The following SYN3 variants were observed in gnomAD, a reference collection of about 807,000 sequenced individuals.
SYN3 encodes synapsin-3.
Under a neutral mutation model 65.8 loss-of-function variants are expected in SYN3, and 35 were observed. That is an observed-to-expected ratio of 0.53 (90% confidence interval 0.41 to 0.70). The LOEUF (loss-of-function observed/expected upper bound fraction) is 0.70, where lower values mean the gene tolerates loss of function less well. Ranked by LOEUF, SYN3 falls within the 30% of genes least tolerant of loss-of-function variation. SYN3 has a pLI of 0.00. For synonymous variants in SYN3, 270 were observed against 292.9 expected (o/e 0.92, Z 0.80); for missense variants, 680 against 749.0 (o/e 0.91, Z 1.08).
intron 6 of SYN3, among the ~76,000 whole-genome samples, chr22:32,677,580 T>C (rs2060463782): frequency 6.6e-6 from 1 of 152,000 alleles, no homozygotes; most frequent in Non-Finnish European, 1.5e-5. Flanking sequence ...GGGTGGAACA[T>C]GAGGTCAGGA....
At chr22:32,632,362 G>A (rs1203300731) in intron 6 of SYN3, among the ~76,000 whole-genome samples, 2 of 152,194 alleles carry the variant, frequency 1.3e-5, no homozygotes, top group East Asian at 1.9e-4. Flanking sequence ...TCCCAGCTCT[G>A]ATATTTACTT....
chr22:32,693,876 C>T (rs1212017950), intron 6 of SYN3, among the ~76,000 whole-genome samples: 5 of 151,900 alleles, frequency 3.3e-5, no homozygotes, highest in Non-Finnish European at 7.4e-5. Flanking sequence ...AGCCACTGTG[C>T]CCGGCCTGTA....
intron 3 of SYN3, among the ~76,000 whole-genome samples, chr22:32,941,111 T>TA (rs1034993183): frequency 6.6e-6 from 1 of 151,434 alleles, no homozygotes; most frequent in South Asian, 2.1e-4. Flanking sequence ...TCTTAAAGGT[T>TA]AAAAAAAAAG....
chr22:32,899,795 G>A lies in SYN3; in HGVS notation c.462-30670C>T, dbSNP rs1199107310. On this transcript the variant is annotated intron_variant, in intron 4 of 13. Transcript: ENST00000358763. Reference sequence around the variant, plus strand: ...GTTAAAACAAGGAAGTCGGCCGGGCGCGGTGGCTCACGCCTGTAATCCCAG... The same window carrying A: ...GTTAAAACAAGGAAGTCGGCCGGGCACGGTGGCTCACGCCTGTAATCCCAG... 1.5e-3 allele frequency among the ~76,000 whole-genome samples: 2 copies of A among 1,296 alleles called. 1 individual carries two copies. Among genetic ancestry groups the A allele is most frequent in the African/African-American group, 0.018 (2 of 110 alleles). The allele number at this position is 1,296 out of a possible 152,430, so 0.9% of individuals were successfully genotyped here.
At chr22:32,788,740 T>C (rs992766418) in intron 6 of SYN3, among the ~76,000 whole-genome samples, 1 of 152,224 alleles carries the variant, frequency 6.6e-6, no homozygotes, top group African/African-American at 2.4e-5. Context: ...ATGTTATTAA[T>C]ACAGGACCTG....
chr22:32,876,413 CAAATGGACTGGCAGTT>C (rs1350327321), intron 4 of SYN3, among the ~76,000 whole-genome samples: 2 of 152,104 alleles, frequency 1.3e-5, no homozygotes, highest in Non-Finnish European at 2.9e-5. Context: ...TTTAAGGTTC[CAAATGGACTGGCAGTT>C]AAATCATGTT....
intron 4 of SYN3, among the ~76,000 whole-genome samples, chr22:32,920,053 C>T (rs2050295765): frequency 6.6e-6 from 1 of 152,174 alleles, no homozygotes; most frequent in Non-Finnish European, 1.5e-5. Flanking sequence ...GACTCTGATG[C>T]CTTTCGTCAA....
chr22:32,748,438 T>C (rs1030579194), intron 6 of SYN3, among the ~76,000 whole-genome samples: 2 of 152,142 alleles, frequency 1.3e-5, no homozygotes, highest in Non-Finnish European at 2.9e-5. Context: ...TTAGAGAAAA[T>C]GGCAAAACCA....
chr22:32,985,008 A>G (rs2052481412), intron 2 of SYN3, among the ~76,000 whole-genome samples: 1 of 152,180 alleles, frequency 6.6e-6, no homozygotes, highest in African/African-American at 2.4e-5. Flanking sequence ...CCTCTATGCA[A>G]CAAGGCAGTA....
intron 6 of SYN3, among the ~76,000 whole-genome samples, chr22:32,737,740 C>G (rs2147372363): frequency 6.6e-6 from 1 of 152,318 alleles, no homozygotes; most frequent in East Asian, 1.9e-4. Context: ...ACTACCATAT[C>G]TCCCAGTGCT....
intron 3 of SYN3, among the ~76,000 whole-genome samples, chr22:32,943,795 A>C (rs1332833370): frequency 6.6e-6 from 1 of 152,236 alleles, no homozygotes; most frequent in Non-Finnish European, 1.5e-5. Flanking sequence ...AGGGGTTGCA[A>C]TCCTAGTCTC....
chr22:32,871,815 A>C (rs192780137), intron 4 of SYN3, among the ~76,000 whole-genome samples: 7 of 152,140 alleles, frequency 4.6e-5, no homozygotes, highest in Admixed American at 3.9e-4. Flanking sequence ...TTTTTTGTAG[A>C]GATGAGATTT....
At chr22:32,583,505 G>C (rs2058978756) in intron 7 of SYN3, 1 of 152,208 alleles carries the variant, frequency 6.6e-6, no homozygotes, top group Non-Finnish European at 1.5e-5. Context: ...CAAAAGGCCT[G>C]GCAGAACTCT....
intron 6 of SYN3, among the ~76,000 whole-genome samples, chr22:32,597,643 G>A (rs868301305): frequency 6.6e-6 from 1 of 152,116 alleles, no homozygotes; most frequent in Non-Finnish European, 1.5e-5. Context: ...AGCGTTTATC[G>A]ACTGTACCAC....
intron 6 of SYN3, among the ~76,000 whole-genome samples, chr22:32,735,676 G>C (rs1182748651): frequency 6.6e-6 from 1 of 152,160 alleles, no homozygotes; most frequent in Admixed American, 6.5e-5. Context: ...TGACTGCCCT[G>C]AGGCCTCCCA....
At chr22:32,995,360 A>T (rs2145739867) in intron 2 of SYN3, among the ~76,000 whole-genome samples, 1 of 152,394 alleles carries the variant, frequency 6.6e-6, no homozygotes, top group East Asian at 1.9e-4. Flanking sequence ...TTTCCAATGA[A>T]CAATACATCA....
chr22:32,954,430 G>A (rs575706423), intron 3 of SYN3, among the ~76,000 whole-genome samples: 2 of 152,344 alleles, frequency 1.3e-5, no homozygotes, highest in East Asian at 3.9e-4. Flanking sequence ...AATGTTCAGA[G>A]ATTTTAAGAC....
intron 6 of SYN3, among the ~76,000 whole-genome samples, chr22:32,651,160 C>T (rs995867807): frequency 6.6e-6 from 1 of 152,266 alleles, no homozygotes; most frequent in East Asian, 1.9e-4. Context: ...ATAAGACTCC[C>T]TTCTTGGGAC....
intron 6 of SYN3, among the ~76,000 whole-genome samples, chr22:32,762,628 G>A (rs1001760728): frequency 8.1e-6 from 1 of 122,896 alleles, no homozygotes; most frequent in African/African-American, 3.1e-5. Flanking sequence ...GGCCAGGGTC[G>A]CGAAACCCAG....
Sources: allele counts gnomAD v4.1 joint callset (sites outside exome capture counted in the v4.1 genomes callset), GRCh38; gene constraint gnomAD v4.1.1; transcripts MANE v1.5; gene names NCBI Gene and HGNC (gene_info 2026-07-23, HGNC 2026-07-21).